SORCS1: variants seen among roughly 807,000 people sequenced by gnomAD.
The protein encoded by SORCS1 is sortilin related VPS10 domain containing receptor 1, also known as VPS10 domain-containing receptor SorCS1.
A neutral mutation model predicts 146.1 loss-of-function variants in SORCS1; 60 were observed. The ratio of observed to expected loss-of-function variants is 0.41; its 90% CI spans 0.33 to 0.51. The LOEUF (loss-of-function observed/expected upper bound fraction) is 0.51, where lower values mean the gene tolerates loss of function less well. SORCS1 is among the 20% of genes least tolerant of loss of function. The probability of loss-of-function intolerance (pLI) is 0.21; values close to 1 mark genes in which losing one functional copy is unlikely to be tolerated. For synonymous variants in SORCS1, 637 were observed against 584.0 expected (o/e 1.09, Z -1.31); for missense variants, 1,352 against 1,487.6 (o/e 0.91, Z 1.50).
chr10:106,958,696 C>T (rs11193130), intron 1 of SORCS1, among the ~76,000 whole-genome samples: 64,375 of 152,092 alleles, frequency 0.42, 16,883 homozygotes, highest in Non-Finnish European at 0.58. Context: ...TTTAGCAAAA[C>T]GTGAGCATGT....
chr10:106,581,245 G>T (rs1157665861), intron 24 of SORCS1, among the ~76,000 whole-genome samples: 4 of 151,546 alleles, frequency 2.6e-5, no homozygotes, highest in Non-Finnish European at 4.4e-5. Flanking sequence ...AGTTCTCATT[G>T]GTTAGTGTTG....
chr10:106,611,971 G>A lies in SORCS1; in HGVS notation c.2973C>T (p.Asn991=), dbSNP rs1424198491. 5 of 1,614,030 alleles carry A rather than the reference G, an allele frequency of 3.1e-6. No individual in the cohort carries two copies. The highest frequency in any genetic ancestry group is 1.3e-5 in the African/African-American group (1 of 74,908). ...CCCTCCTCCACTCAGGGATGTCCGG[G>A]TTGTAGTCATCCAGGTTTGGAGAAA... ...LSFSPNLDDY[N]PDIPEWRRDI... The change falls in exon 22 of 26, where the codon AAC becomes AAT. Residue 991 remains asparagine, a synonymous_variant. Transcript: ENST00000263054.
chr10:107,101,573 C>T (rs1254590695), intron 1 of SORCS1, among the ~76,000 whole-genome samples: 1 of 152,192 alleles, frequency 6.6e-6, no homozygotes, highest in Non-Finnish European at 1.5e-5. Flanking sequence ...AGCCCTCCCT[C>T]CTGGTCTCAA....
chr10:106,963,131 T>TTTTTTTTTC (rs1955330208), intron 1 of SORCS1, among the ~76,000 whole-genome samples: 1 of 133,440 alleles, frequency 7.5e-6, no homozygotes, highest in Non-Finnish European at 1.5e-5. Flanking sequence ...TTTTTTTTTT[T>TTTTTTTTTC]TTTTGAGACA....
At chr10:106,819,052 T>C (rs1947883297) in intron 3 of SORCS1, among the ~76,000 whole-genome samples, 1 of 152,222 alleles carries the variant, frequency 6.6e-6, no homozygotes, top group Admixed American at 6.5e-5. Context: ...AAATAGGCAT[T>C]TAATACCTTC....
At chr10:106,584,386 T>G (rs544027580) in intron 24 of SORCS1, among the ~76,000 whole-genome samples, 1 of 152,192 alleles carries the variant, frequency 6.6e-6, no homozygotes, top group Non-Finnish European at 1.5e-5. Context: ...AAGTAGCCAA[T>G]TGGGAGGCCA....
chr10:106,844,216 C>T (rs1265296871), intron 2 of SORCS1, among the ~76,000 whole-genome samples: 1 of 152,038 alleles, frequency 6.6e-6, no homozygotes, highest in Non-Finnish European at 1.5e-5. Context: ...GTTCTTTGCC[C>T]ATTTTTAATC....
chr10:106,900,299 A>C (rs1951652591), intron 2 of SORCS1, among the ~76,000 whole-genome samples: 1 of 152,134 alleles, frequency 6.6e-6, no homozygotes, highest in Non-Finnish European at 1.5e-5. Context: ...TGTGTCTGGT[A>C]ACAATGCCTG....
At chr10:107,025,782 C>T (rs1161170265) in intron 1 of SORCS1, among the ~76,000 whole-genome samples, 2 of 152,160 alleles carry the variant, frequency 1.3e-5, no homozygotes, top group Admixed American at 6.5e-5. Context: ...GTAGGAACCA[C>T]GGGAGTCTTT....
Position 107,164,404 on chromosome 10 carries a change from C to T in SORCS1, c.123G>A (p.Pro41=). 7.0e-7 allele frequency: 1 copy of T among 1,420,310 alleles called. No individual in the cohort carries two copies. 88.0% of individuals were successfully genotyped at this position (1,420,310 alleles called of 1,614,324 possible). ...CCGAGCGTGGAGCGGAGCTGGGGTG[C>T]GGCGAGGGGCAGCAGGAGCCGCCGC... ...VCGGGSCCPS[P]HPSSAPRSAS... The change falls in exon 1 of 26, where the codon CCG becomes CCA. Residue 41 remains proline, a synonymous_variant. Transcript: ENST00000263054. The surrounding 1 kb of genome is among the most constrained non-coding windows in gnomAD (Gnocchi z 6.8).
At chr10:107,170,786 A>G in the SORCS1 span, among the ~76,000 whole-genome samples, 1 of 152,224 alleles carries the variant, frequency 6.6e-6, no homozygotes, top group African/African-American at 2.4e-5. Flanking sequence ...CAGTATGCTA[A>G]GCTCTGGTAG....
At chr10:106,645,972 A>T (rs1849399677) in intron 18 of SORCS1, among the ~76,000 whole-genome samples, 2 of 152,202 alleles carry the variant, frequency 1.3e-5, no homozygotes, top group Non-Finnish European at 2.9e-5. Context: ...ATTTAAAATT[A>T]GTATAATTAG....
At chr10:107,096,278 A>G (rs1361914797) in intron 1 of SORCS1, among the ~76,000 whole-genome samples, 1 of 152,230 alleles carries the variant, frequency 6.6e-6, no homozygotes, top group Non-Finnish European at 1.5e-5. Context: ...GCTTTGCTTT[A>G]ACAAGTTTTA....
At position 106,671,420 on chromosome 10, in the gene SORCS1, T is replaced by G; in HGVS notation, c.2059-53A>C. ...TTGGGCACATAGCTTGGACTTTCTC[T>G]GCTCCACATGAGTGACATTTAGGGA... On this transcript the variant is annotated intron_variant, in intron 15 of 25. Coordinates refer to ENST00000263054, the MANE Select transcript of SORCS1 (RefSeq NM_052918.5). 1.9e-6 allele frequency: 3 copies of G among 1,608,358 alleles called. No individual in the cohort carries two copies. In the East Asian group the frequency reaches 6.7e-5, roughly 36 times the overall value.
chr10:107,013,614 C>G (rs1357520633), intron 1 of SORCS1, among the ~76,000 whole-genome samples: 1 of 152,116 alleles, frequency 6.6e-6, no homozygotes, highest in Non-Finnish European at 1.5e-5. Flanking sequence ...TAGATGAAAC[C>G]TAAAGAGCTC....
chr10:107,180,946 G>T, the SORCS1 span, among the ~76,000 whole-genome samples: 1 of 152,072 alleles, frequency 6.6e-6, no homozygotes, highest in Non-Finnish European at 1.5e-5. Context: ...GAATACTGTA[G>T]GCAATTCTAA....
intron 2 of SORCS1, among the ~76,000 whole-genome samples, chr10:106,853,377 G>A (rs1257347664): frequency 3.3e-5 from 5 of 150,162 alleles, no homozygotes; most frequent in Non-Finnish European, 7.4e-5. Flanking sequence ...AGCCTGGCTA[G>A]AGGCTTATCC....
At chr10:106,890,791 G>T (rs1384759734) in intron 2 of SORCS1, among the ~76,000 whole-genome samples, 1 of 149,760 alleles carries the variant, frequency 6.7e-6, no homozygotes, top group Admixed American at 6.6e-5. Flanking sequence ...ACCATTTGTG[G>T]TTTTACATTT....
Position 107,000,427 on chromosome 10 carries a change from G to A in SORCS1, c.559-43847C>T, listed in dbSNP as rs187716890. Among the ~76,000 whole-genome samples, 837 of 150,668 alleles carry A rather than the reference G, an allele frequency of 5.6e-3. 5 individuals are homozygous for A. Among genetic ancestry groups the A allele is most frequent in the Middle Eastern group, 0.034 (10 of 294 alleles). ...ATCCTGGCCAGCATGGTGAAACCCC[G>A]TCTCTACTAAAATACAAAAAAAAAA... On this transcript the variant is annotated intron_variant, in intron 1 of 25. Transcript: ENST00000263054.
Sources: allele counts gnomAD v4.1 joint callset (sites outside exome capture counted in the v4.1 genomes callset), GRCh38; gene constraint gnomAD v4.1.1; non-coding constraint Gnocchi (gnomAD v3.1); transcripts MANE v1.5; gene names NCBI Gene and HGNC (gene_info 2026-07-23, HGNC 2026-07-21).